Variants in RPAP3 observed in about 807,000 individuals in gnomAD.
RPAP3 encodes RNA polymerase II-associated protein 3.
RPAP3 carries 58 observed loss-of-function variants against 88.8 expected under a neutral mutation model. That is an observed-to-expected ratio of 0.65 (90% CI 0.53 to 0.81). The LOEUF is 0.81. Among genes scored for constraint, RPAP3 ranks in the 40% least tolerant of loss-of-function variants. The pLI is 0.00. For missense variants in RPAP3, 751 were observed against 764.3 expected (o/e 0.98, Z 0.20); for synonymous variants, 255 against 259.9 (o/e 0.98, Z 0.18).
At chr12:47,681,902 C>T in intron 9 of RPAP3, 85 bp from the exon 10 acceptor site, 3 of 1,307,742 alleles carry the variant, frequency 2.3e-6, no homozygotes, top group East Asian at 2.5e-5. Context: ...ATTTAAAAAG[C>T]TTGTATATAA....
rs1166590467 is a variant in RPAP3 at position 47,696,350 on chromosome 12, T to C, written c.471A>G (p.Thr157=). ...TATATGGATCGGCATCCATGCCTTT[T>C]GTGTAGCAGTCAATTGCTTCATCAT... ...GKYDEAIDCY[T]KGMDADPYNP... is the part of the protein sequence containing the mutation. Residue 157 remains threonine (T), a synonymous_variant, in exon 5 of 17, where the codon ACA becomes ACG. Transcript: ENST00000005386. 4 of 1,602,144 alleles carry C rather than the reference T, an allele frequency of 2.5e-6. No individual in the cohort carries two copies. The highest frequency in any genetic ancestry group is 3.4e-6 in the Non-Finnish European group (4 of 1,173,220).
rs115672052 is a variant in RPAP3, at chr12:47,693,613, T to C, written c.545+2663A>G. On this transcript the variant is annotated intron_variant, in intron 5 of 16. Coordinates refer to ENST00000005386, the MANE Select transcript of RPAP3 (RefSeq NM_024604.3). ...CCTATAATTCCTAATGGTGAAACATTAGTAGCATTCCCTTTAATGAGAGAA... is the reference window on the plus strand; with the variant it reads ...CCTATAATTCCTAATGGTGAAACATCAGTAGCATTCCCTTTAATGAGAGAA... Among the ~76,000 whole-genome samples, 251 of 152,322 alleles carry C rather than the reference T, an allele frequency of 1.6e-3. 4 individuals carry two copies. Among genetic ancestry groups the C allele is most frequent in the African/African-American group, 5.8e-3 (241 of 41,556 alleles).
chr12:47,704,553 T>G (rs1414936582), intron 1 of RPAP3, among the ~76,000 whole-genome samples: 2 of 151,460 alleles, frequency 1.3e-5, no homozygotes, highest in Non-Finnish European at 1.5e-5. Context: ...ATTTTTTTTT[T>G]TTTTAGTAGA....
At position 47,663,522 on chromosome 12, in the gene RPAP3, T is replaced by C; in HGVS notation, c.1981A>G (p.Lys661Glu). Residue 661 changes from lysine (K) to glutamate (E), a missense_variant, in exon 17 of 17, where the codon AAA becomes GAA. Coordinates refer to ENST00000005386, the MANE Select transcript of RPAP3 (RefSeq NM_024604.3). Reference sequence around the variant, plus strand: ...AATGGAAATCAACCACCGTATCTTTTCTTGAGTTCTTCGACAGAACTATCC... The same window carrying C: ...AATGGAAATCAACCACCGTATCTTTCCTTGAGTTCTTCGACAGAACTATCC... ...LKDSSVEELK[K>E]RYGG 1 of 1,589,900 alleles carries C rather than the reference T, an allele frequency of 6.3e-7. No homozygotes were observed. Among genetic ancestry groups the C allele is most frequent in the Non-Finnish European group, 8.6e-7 (1 of 1,168,084 alleles).
chr12:47,690,335 A>T (rs570104487), intron 6 of RPAP3, among the ~76,000 whole-genome samples, 183 bp downstream of exon 6: 53 of 152,294 alleles, frequency 3.5e-4, no homozygotes, highest in South Asian at 2.7e-3. Flanking sequence ...CCAAATTCTG[A>T]TTGGTGGCAA....
intron 3 of RPAP3, among the ~76,000 whole-genome samples, chr12:47,700,317 A>C (rs1479964656): frequency 6.6e-6 from 1 of 152,226 alleles, no homozygotes; most frequent in Non-Finnish European, 1.5e-5. Context: ...GGAGAAAAGA[A>C]CATGGGATTA....
chr12:47,672,623 G>T (rs931517233), intron 12 of RPAP3, among the ~76,000 whole-genome samples: 2 of 138,866 alleles, frequency 1.4e-5, no homozygotes, highest in African/African-American at 4.9e-5. Context: ...TAAAAATAAT[G>T]CCGACATTTT....
intron 12 of RPAP3, among the ~76,000 whole-genome samples, chr12:47,674,126 A>C (rs917244321): frequency 6.7e-6 from 1 of 148,700 alleles, no homozygotes; most frequent in East Asian, 2.0e-4. Context: ...AAGACATTTC[A>C]ACATTTCCTT....
At position 47,688,930 on chromosome 12, in the gene RPAP3, T is replaced by C. The variant is rs182080154; in HGVS notation, c.738+195A>G. Among the ~76,000 whole-genome samples the C allele has an allele frequency of 2.5e-3, 376 of 152,336 alleles. 2 individuals are homozygous for C. The highest frequency in any genetic ancestry group is 8.4e-3 in the African/African-American group (350 of 41,586). On this transcript the variant is annotated intron_variant, in intron 7 of 16. Coordinates refer to ENST00000005386, the MANE Select transcript of RPAP3 (RefSeq NM_024604.3). ...GTTCTTAAAGATCTCAGGCAACTTCTAGAACAATCAAGGGTCTTTAAATAC... is the reference window on the plus strand; with the variant it reads ...GTTCTTAAAGATCTCAGGCAACTTCCAGAACAATCAAGGGTCTTTAAATAC...
chr12:47,679,740 A>G lies in RPAP3; in HGVS notation c.1149T>C (p.Asn383=). ...FETVLLLEPG[N]KQAVTELSKI... ...TGGAGAGTTCAGTTACTGCTTGCTT[A>G]TTTCCAGGTTCCAGAAGTAAAACAG... Residue 383 remains asparagine, a synonymous_variant, in exon 11 of 17, where the codon AAT becomes AAC. Coordinates refer to ENST00000005386, the MANE Select transcript of RPAP3 (RefSeq NM_024604.3). 6.2e-7 allele frequency: 1 copy of G among 1,607,110 alleles called. No homozygotes were observed. Among genetic ancestry groups the G allele is most frequent in the Non-Finnish European group, 8.5e-7 (1 of 1,176,206 alleles).
intron 8 of RPAP3, 31 bp downstream of exon 8, chr12:47,687,845 T>A: frequency 6.2e-7 from 1 of 1,601,924 alleles, no homozygotes; most frequent in Non-Finnish European, 8.5e-7. Context: ...GCAAAACATA[T>A]ACATTGTACG....
chr12:47,701,243 G>C (rs1438986366), intron 3 of RPAP3: 1 of 345,072 alleles, frequency 2.9e-6, no homozygotes, highest in Non-Finnish European at 5.2e-6. Context: ...ATAAAATCCT[G>C]GCTGTTTTAG....
chr12:47,679,958 T>C (rs1266196865), intron 10 of RPAP3, among the ~76,000 whole-genome samples, 184 bp from the exon 11 acceptor site: 1 of 152,170 alleles, frequency 6.6e-6, no homozygotes, highest in Non-Finnish European at 1.5e-5. Flanking sequence ...AGTTGTTTTA[T>C]ATGAATGTTC....
At chr12:47,697,496 T>C (rs1250300227) in intron 4 of RPAP3, 101 bp downstream of exon 4, 4 of 1,131,382 alleles carry the variant, frequency 3.5e-6, no homozygotes, top group Non-Finnish European at 3.7e-6. Flanking sequence ...AACATAAAGT[T>C]TAAACACGTA....
At chr12:47,682,284 T>C (rs571071791) in intron 9 of RPAP3, among the ~76,000 whole-genome samples, 31 of 152,244 alleles carry the variant, frequency 2.0e-4, no homozygotes, top group African/African-American at 5.8e-4. Flanking sequence ...ATCTAATACT[T>C]TGCATAAATT....
intron 12 of RPAP3, among the ~76,000 whole-genome samples, chr12:47,673,777 CTTTGTAATTATTCTCTAAATTA>C (rs1436335455): frequency 2.6e-5 from 4 of 151,906 alleles, no homozygotes; most frequent in African/African-American, 9.7e-5. Flanking sequence ...TGGGTGTTCA[CTTTGTAATTATTCTCTAAATTA>C]TAATTTGTCT....
chr12:47,685,798 C>T (rs1279989837), intron 9 of RPAP3, among the ~76,000 whole-genome samples: 2 of 151,430 alleles, frequency 1.3e-5, no homozygotes, highest in African/African-American at 4.9e-5. Flanking sequence ...GTTTCAAATA[C>T]AGTACAATCA....
intron 9 of RPAP3, among the ~76,000 whole-genome samples, chr12:47,685,974 T>C (rs1219966111): frequency 6.6e-6 from 1 of 152,208 alleles, no homozygotes; most frequent in Non-Finnish European, 1.5e-5. Flanking sequence ...CAAAACTATA[T>C]TTTGATATAA....
At position 47,675,005 on chromosome 12, in the gene RPAP3, G is replaced by A. The variant is rs144682566; in HGVS notation, c.1287+4488C>T. Among the ~76,000 whole-genome samples the A allele has an allele frequency of 7.2e-5, 11 of 152,250 alleles. No homozygotes were observed. The East Asian group carries it at 7.7e-4, about 11-fold the overall frequency. On this transcript the variant is annotated intron_variant, in intron 12 of 16. Transcript: ENST00000005386. The stretch of plus-strand genomic sequence containing the variant: ...TTAAGGGCAGTCAGAGAGAAAGGTC[G>A]AGTTATCCACAGAGGAAAGCCCATC...
Sources: allele counts gnomAD v4.1 joint callset (sites outside exome capture counted in the v4.1 genomes callset), GRCh38; gene constraint gnomAD v4.1.1; transcripts MANE v1.5; gene names NCBI Gene and HGNC (gene_info 2026-07-23, HGNC 2026-07-21).